AFP: variants seen among roughly 807,000 people sequenced by gnomAD.
AFP encodes alpha fetoprotein.
A neutral mutation model predicts 78.9 loss-of-function variants in AFP; 64 were observed. That is an observed-to-expected ratio of 0.81 (90% confidence interval 0.66 to 1.00). The LOEUF (loss-of-function observed/expected upper bound fraction) is 1.00. AFP is among the 50% of genes least tolerant of loss of function. The probability of loss-of-function intolerance (pLI) is 0.00; values close to 1 mark genes in which losing one functional copy is unlikely to be tolerated. For missense variants in AFP, 689 were observed against 703.8 expected, an observed-to-expected ratio of 0.98 and a Z score of 0.24; for synonymous variants, 254 against 243.8, an observed-to-expected ratio of 1.04 and a Z score of -0.39.
intron 1 of AFP, 107 bp from the exon 2 acceptor site, chr4:73,437,053 C>A: frequency 1.1e-6 from 1 of 870,630 alleles, no homozygotes; most frequent in Non-Finnish European, 1.9e-6. Flanking sequence ...TCTTTTAATT[C>A]TGAAACTGTA....
chr4:73,452,256 A>G (rs1278534217), intron 11 of AFP, 145 bp from the exon 12 acceptor site: 6 of 720,192 alleles, frequency 8.3e-6, no homozygotes, highest in Non-Finnish European at 7.3e-6. Context: ...ATAATGTCAC[A>G]TGATCCTACA....
At chr4:73,454,853 T>C (rs1437488907) in intron 13 of AFP, among the ~76,000 whole-genome samples, 1 of 152,162 alleles carries the variant, frequency 6.6e-6, no homozygotes, top group Non-Finnish European at 1.5e-5. Context: ...GAAGCATTTC[T>C]GAAAAACATG....
At chr4:73,453,091 G>T (rs1230284250) in intron 12 of AFP, among the ~76,000 whole-genome samples, 1 of 152,074 alleles carries the variant, frequency 6.6e-6, no homozygotes, top group East Asian at 1.9e-4. Context: ...GTTCATTGTG[G>T]GAGCTCTTTT....
At chr4:73,438,364 A>G (rs1719571492) in intron 3 of AFP, 58 bp downstream of exon 3, 1 of 1,547,990 alleles carries the variant, frequency 6.5e-7, no homozygotes, top group Admixed American at 1.9e-5. Flanking sequence ...AGCATGCTGA[A>G]GAGAAGATAC....
At chr4:73,438,063 C>G in intron 2 of AFP, 111 bp from the exon 3 acceptor site, 1 of 1,451,436 alleles carries the variant, frequency 6.9e-7, no homozygotes, top group Non-Finnish European at 9.5e-7. Flanking sequence ...AATGTCTAAA[C>G]AGATTACAAC....
chr4:73,445,475 A>C (rs1236230445), intron 7 of AFP, among the ~76,000 whole-genome samples: 1 of 152,180 alleles, frequency 6.6e-6, no homozygotes, highest in Non-Finnish European at 1.5e-5. Context: ...TTGACAAATA[A>C]ATATATATTA....
intron 10 of AFP, among the ~76,000 whole-genome samples, chr4:73,450,354 G>A (rs1176814314): frequency 6.6e-6 from 1 of 152,190 alleles, no homozygotes; most frequent in Non-Finnish European, 1.5e-5. Flanking sequence ...TAAAATCAAT[G>A]AAGCTCCGAG....
chr4:73,454,890 C>T (rs1225808585), intron 13 of AFP, among the ~76,000 whole-genome samples: 2 of 152,040 alleles, frequency 1.3e-5, no homozygotes, highest in Non-Finnish European at 2.9e-5. Flanking sequence ...GTTCTCTAAT[C>T]TGAGAAGACA....
At chr4:73,446,755 T>C (rs1241506596) in intron 7 of AFP, among the ~76,000 whole-genome samples, 5 of 152,202 alleles carry the variant, frequency 3.3e-5, no homozygotes, top group Non-Finnish European at 5.9e-5. Flanking sequence ...CAAATTTGAA[T>C]GCTAATAGAA....
chr4:73,438,236 T>C lies in AFP; in HGVS notation c.200T>C (p.Val67Ala). 6.2e-7 allele frequency: 1 copy of C among 1,613,404 alleles called. No homozygotes were observed. Among genetic ancestry groups the C allele is most frequent in the Non-Finnish European group, 8.5e-7 (1 of 1,179,552 alleles). ...EATYKEVSKM[V>A]KDALTAIEKP... ...ACTTACAAGGAAGTAAGCAAAATGG[T>C]GAAAGATGCATTGACTGCAATTGAG... The change falls in exon 3 of 15, where the codon GTG becomes GCG. Residue 67 changes from valine (V) to alanine (A), a missense_variant. Physicochemically the swap from Val to Ala is moderately conservative, Grantham distance 64 (BLOSUM62 0). Transcript: ENST00000395792.
At chr4:73,445,166 T>A (rs1253990551) in intron 7 of AFP, 44 bp downstream of exon 7, 1 of 1,609,530 alleles carries the variant, frequency 6.2e-7, no homozygotes, top group East Asian at 2.2e-5. Context: ...TCACTCCCTT[T>A]TCTTTCTTTT....
chr4:73,442,449 T>A (rs1351238739), intron 5 of AFP, 21 bp downstream of exon 5: 2 of 1,613,416 alleles, frequency 1.2e-6, no homozygotes, highest in Non-Finnish European at 1.7e-6. Flanking sequence ...TGCGTGGATA[T>A]CTGAACCAGT....
At chr4:73,438,459 G>C (rs561175831) in intron 3 of AFP, among the ~76,000 whole-genome samples, 153 bp downstream of exon 3, 1 of 152,254 alleles carries the variant, frequency 6.6e-6, no homozygotes, top group Admixed American at 6.5e-5. Flanking sequence ...TTGCTAAAGA[G>C]GGCAGAAGAG....
rs755427022 is a variant in AFP, at chr4:73,445,125, G to T, written c.843+3G>T. The T allele has an allele frequency of 2.5e-6, 4 of 1,613,816 alleles. No individual in the cohort carries two copies. The South Asian group carries it at 4.4e-5, about 18-fold the overall frequency. Reference sequence around the variant, plus strand: ...TGCTGGATTGTCTGCAGGATGGGGTGAAGAGTCTTGCTTCTTAAAATAGAA... The same window carrying T: ...TGCTGGATTGTCTGCAGGATGGGGTTAAGAGTCTTGCTTCTTAAAATAGAA... On this transcript the variant is annotated splice_donor_region_variant and intron_variant, in intron 7 of 14. Transcript: ENST00000395792.
intron 14 of AFP, 66 bp from the exon 15 acceptor site, chr4:73,455,565 A>T: frequency 1.5e-6 from 1 of 664,126 alleles, no homozygotes. Flanking sequence ...ATAAAATAAT[A>T]GAACCAGTTA....
At chr4:73,439,517 C>T (rs769813900) in intron 3 of AFP, among the ~76,000 whole-genome samples, 12 of 152,144 alleles carry the variant, frequency 7.9e-5, no homozygotes, top group South Asian at 4.1e-4. Flanking sequence ...TGTTACAGAT[C>T]GCTGATTTAT....
intron 9 of AFP, 131 bp downstream of exon 9, chr4:73,449,598 A>C (rs954360723): frequency 1.8e-6 from 2 of 1,129,114 alleles, no homozygotes; most frequent in Non-Finnish European, 1.3e-6. Context: ...TCTAGATATT[A>C]AGCTGTTATT....
At chr4:73,448,935 A>G (rs1210325690) in intron 8 of AFP, among the ~76,000 whole-genome samples, 5 of 151,948 alleles carry the variant, frequency 3.3e-5, no homozygotes, top group Admixed American at 2.0e-4. Flanking sequence ...GAGATGGCCT[A>G]TTTCTTGTTT....
Position 73,453,792 on chromosome 4 carries a change from G to A in AFP, c.1680G>A (p.Lys560=). ...TTCTCATTAACCTTGTGAAGCAAAAGCCACAAATAACAGAGGAACAACTTG... is the reference window on the plus strand; with the variant it reads ...TTCTCATTAACCTTGTGAAGCAAAAACCACAAATAACAGAGGAACAACTTG... ...QEFLINLVKQ[K]PQITEEQLEA... The change falls in exon 13 of 15, where the codon AAG becomes AAA. Residue 560 remains lysine (K), a synonymous_variant. Coordinates refer to ENST00000395792, the MANE Select transcript of AFP (RefSeq NM_001134.3). The A allele has an allele frequency of 6.2e-7, 1 of 1,613,722 alleles. No homozygotes were observed.
Sources: gnomAD v4.1 joint callset for allele counts (sites outside exome capture counted in the v4.1 genomes callset) on GRCh38, gnomAD v4.1.1 for gene constraint, MANE v1.5 for transcripts, NCBI Gene and HGNC (gene_info 2026-07-23, HGNC 2026-07-21) for gene names.